Variants in TNKS observed in about 807,000 individuals in gnomAD.
TNKS encodes the protein tankyrase, also known as poly [ADP-ribose] polymerase tankyrase-1.
TNKS carries 72 observed loss-of-function variants against 135.8 expected under a neutral mutation model. The observed-to-expected ratio is 0.53, with a 90% CI of 0.44 to 0.64. The LOEUF is 0.64. Among genes scored for constraint, TNKS ranks in the 30% least tolerant of loss-of-function variants. The probability of loss-of-function intolerance (pLI) is 0.00; values close to 1 mark genes in which losing one functional copy is unlikely to be tolerated. For synonymous variants in TNKS, 849 were observed against 649.3 expected, an observed-to-expected ratio of 1.31 and a Z score of -4.68; for missense variants, 1,769 against 1,674.0, an observed-to-expected ratio of 1.06 and a Z score of -0.99.
Position 9,572,502 on chromosome 8 carries a change from T to C in TNKS, c.674-7657T>C, listed in dbSNP as rs1456007757. Among the ~76,000 whole-genome samples, 3 of 152,344 alleles carry C rather than the reference T, an allele frequency of 2.0e-5. No individual in the cohort carries two copies. The East Asian group carries it at 5.8e-4, about 29-fold the overall frequency. On this transcript the variant is annotated intron_variant, in intron 1 of 26. Coordinates refer to ENST00000310430, the MANE Select transcript of TNKS (RefSeq NM_003747.3). ...CCCATCCTCTATCTCTCTTACGTTT[T>C]CTCTTATTCTCTTCTGTTTCATGTC...
At chr8:9,606,818 T>C (rs1799239053) in intron 2 of TNKS, among the ~76,000 whole-genome samples, 1 of 152,166 alleles carries the variant, frequency 6.6e-6, no homozygotes, top group Admixed American at 6.5e-5. Flanking sequence ...AGAATTTTTA[T>C]TCTTGTTTTA....
At chr8:9,658,495 G>A in intron 3 of TNKS, 1 of 579,652 alleles carries the variant, frequency 1.7e-6, no homozygotes, top group South Asian at 2.5e-5. Context: ...AGCTTCATAA[G>A]TGAAGGAGAA....
intron 3 of TNKS, among the ~76,000 whole-genome samples, chr8:9,664,526 A>G (rs932618152): frequency 2.0e-5 from 3 of 152,242 alleles, no homozygotes; most frequent in East Asian, 3.8e-4. Flanking sequence ...GCACGTTAAC[A>G]TATAAAAATG....
Position 9,725,812 on chromosome 8 carries a change from T to G in TNKS, c.1922-829T>G, listed in dbSNP as rs937274083. ...ATTATAAATTGTTTTCTTTAAAAAC[T>G]TATTTTATTTGGGTCAATGTGAAAT... On this transcript the variant is annotated intron_variant, in intron 12 of 26. Coordinates refer to ENST00000310430, the MANE Select transcript of TNKS (RefSeq NM_003747.3). 5.9e-5 allele frequency among the ~76,000 whole-genome samples: 9 copies of G among 152,314 alleles called. No individual in the cohort carries two copies. The South Asian group carries it at 1.9e-3, about 32-fold the overall frequency.
chr8:9,738,963 T>G (rs1805785008), intron 17 of TNKS, among the ~76,000 whole-genome samples: 1 of 151,676 alleles, frequency 6.6e-6, no homozygotes, highest in Non-Finnish European at 1.5e-5. Flanking sequence ...CTTGTTGACT[T>G]TCTGTCTCGT....
intron 4 of TNKS, 130 bp downstream of exon 4, chr8:9,680,117 A>C (rs1585319636): frequency 1.6e-6 from 1 of 636,278 alleles, no homozygotes; most frequent in East Asian, 2.8e-5. Context: ...CAGATACTAA[A>C]TCTTTATGTA....
At position 9,710,212 on chromosome 8, in the gene TNKS, G is replaced by A; in HGVS notation, c.1741G>A (p.Gly581Ser). 6.2e-7 allele frequency: 1 copy of A among 1,614,186 alleles called. No homozygotes were observed. The highest frequency in any genetic ancestry group is 8.5e-7 in the Non-Finnish European group (1 of 1,180,024). Reference sequence around the variant, plus strand: ...TGTCATGGAAGTTCTGCATAAGCATGGCGCCAAGGTGAGGCACACACCTGA... The same window carrying A: ...TGTCATGGAAGTTCTGCATAAGCATAGCGCCAAGGTGAGGCACACACCTGA... ...NDVMEVLHKH[G>S]AKMNALDTLG... Residue 581 changes from glycine to serine, a missense_variant, in exon 11 of 27, where the codon GGC becomes AGC. Gly to Ser is a moderately conservative substitution (Grantham distance 56). Coordinates refer to ENST00000310430, the MANE Select transcript of TNKS (RefSeq NM_003747.3).
At chr8:9,766,723 A>G (rs1248308715) in intron 25 of TNKS, among the ~76,000 whole-genome samples, 1 of 152,044 alleles carries the variant, frequency 6.6e-6, no homozygotes, top group Non-Finnish European at 1.5e-5. Flanking sequence ...TGATCTCATG[A>G]TCTGCCCACC....
At chr8:9,712,441 C>G (rs973136077) in intron 11 of TNKS, among the ~76,000 whole-genome samples, 2 of 151,722 alleles carry the variant, frequency 1.3e-5, no homozygotes, top group Admixed American at 6.6e-5. Context: ...GATCATACCA[C>G]TGTACTGCAG....
chr8:9,667,795 T>C (rs1041080116), intron 3 of TNKS, among the ~76,000 whole-genome samples: 1 of 152,162 alleles, frequency 6.6e-6, no homozygotes, highest in Non-Finnish European at 1.5e-5. Context: ...TCATTGACTT[T>C]AGTGAAGTCT....
chr8:9,759,797 A>T (rs1036102256), intron 20 of TNKS, among the ~76,000 whole-genome samples: 3 of 151,900 alleles, frequency 2.0e-5, no homozygotes, highest in Admixed American at 1.3e-4. Flanking sequence ...ACACGGTGAA[A>T]CCCCATCTCT....
At chr8:9,747,103 G>A (rs541654943) in intron 17 of TNKS, among the ~76,000 whole-genome samples, 2 of 151,766 alleles carry the variant, frequency 1.3e-5, no homozygotes, top group Non-Finnish European at 2.9e-5. Context: ...GGCTGGTCTC[G>A]AACTCCTGAC....
At chr8:9,671,639 T>G (rs1209749591) in intron 3 of TNKS, among the ~76,000 whole-genome samples, 2 of 152,138 alleles carry the variant, frequency 1.3e-5, no homozygotes, top group Non-Finnish European at 2.9e-5. Flanking sequence ...GGCCTGACTT[T>G]TTGGTGTGAT....
At chr8:9,717,101 A>ATATATATATTTTTT (rs1454492300) in intron 11 of TNKS, among the ~76,000 whole-genome samples, 22 of 119,316 alleles carry the variant, frequency 1.8e-4, no homozygotes, top group African/African-American at 6.1e-4. Context: ...ATATATATAT[A>ATATATATATTTTTT]TTTTCAGGGA....
chr8:9,778,728 T>A lies in TNKS; in HGVS notation c.*1992T>A, dbSNP rs1051519740. 1.3e-5 allele frequency: 2 copies of A among 152,524 alleles called. No homozygotes were observed. Among genetic ancestry groups the A allele is most frequent in the Admixed American group, 6.5e-5 (1 of 15,280 alleles). 9.4% of individuals were successfully genotyped at this position (152,524 alleles called of 1,614,324 possible). A position where few individuals can be genotyped will look rare whatever the true frequency, so the allele number is the denominator to read the frequency against. On this transcript the variant is annotated 3_prime_UTR_variant, in exon 27 of 27. Coordinates refer to ENST00000310430, the MANE Select transcript of TNKS (RefSeq NM_003747.3). ...TTGCTGTAACAAAGGGTTGAAGAAA[T>A]TGCCATCTGTGTAGTTTTCAGTAGC...
At chr8:9,735,235 G>A in intron 16 of TNKS, 142 bp from the exon 17 acceptor site, 1 of 1,067,588 alleles carries the variant, frequency 9.4e-7, no homozygotes, top group Non-Finnish European at 1.3e-6. Flanking sequence ...TTATTGTGAA[G>A]TCCCTCCATT....
chr8:9,567,228 G>C (rs1797577518), intron 1 of TNKS, among the ~76,000 whole-genome samples: 1 of 152,138 alleles, frequency 6.6e-6, no homozygotes, highest in Non-Finnish European at 1.5e-5. Flanking sequence ...CTTCTCTTAG[G>C]CATTTAAAGT....
intron 20 of TNKS, 130 bp from the exon 21 acceptor site, chr8:9,761,386 A>T: frequency 1.1e-6 from 1 of 926,368 alleles, no homozygotes; most frequent in South Asian, 1.8e-5. Context: ...TTGTAAGCTC[A>T]TGTTTATAAA....
rs1400536289 is a variant in TNKS at position 9,766,147 on chromosome 8, T to C, written c.3554-92T>C. The C allele has an allele frequency of 4.6e-6, 5 of 1,091,398 alleles. No individual in the cohort carries two copies. In the African/African-American group the frequency reaches 7.9e-5, roughly 17 times the overall value. 67.6% of individuals were successfully genotyped at this position (1,091,398 alleles called of 1,614,324 possible). A position where few individuals can be genotyped will look rare whatever the true frequency, so the allele number is the denominator to read the frequency against. On this transcript the variant is annotated intron_variant, in intron 24 of 26. Transcript: ENST00000310430. ...TTTCATTTATACACCATTCATTTCT[T>C]AATATTAACCTGCCCGATGCAAATA...
Sources: gnomAD v4.1 joint callset for allele counts (sites outside exome capture counted in the v4.1 genomes callset) on GRCh38, gnomAD v4.1.1 for gene constraint, MANE v1.5 for transcripts, NCBI Gene and HGNC (gene_info 2026-07-23, HGNC 2026-07-21) for gene names.